The following ABI3BP variants were observed in gnomAD, a reference collection of about 807,000 sequenced individuals.
The protein encoded by ABI3BP is ABI family member 3 binding protein, also known as target of Nesh-SH3.
In ABI3BP, 216 loss-of-function variants were observed where a neutral mutation model predicts 268.6. That is an observed-to-expected ratio of 0.80 (90% CI 0.72 to 0.90). The LOEUF is 0.90. ABI3BP is among the 40% of genes least tolerant of loss of function. The pLI is 0.00. For missense variants in ABI3BP, 2,090 were observed against 2,182.4 expected (o/e 0.96, Z 0.84); for synonymous variants, 730 against 730.0 (o/e 1.00, Z 0.00).
intron 1 of ABI3BP, among the ~76,000 whole-genome samples, chr3:100,970,120 G>A (rs2082931310): frequency 6.6e-6 from 1 of 152,024 alleles, no homozygotes; most frequent in Non-Finnish European, 1.5e-5. Flanking sequence ...GGCCTGTTTG[G>A]GTCTCTGTTA....
intron 2 of ABI3BP, among the ~76,000 whole-genome samples, chr3:100,918,000 C>A (rs1341578534): frequency 6.6e-6 from 1 of 151,860 alleles, no homozygotes; most frequent in African/African-American, 2.4e-5. Flanking sequence ...TTAAAAATCC[C>A]CTTTGAAGCT....
chr3:100,779,510 TTA>T (rs1476433532), intron 58 of ABI3BP, among the ~76,000 whole-genome samples: 2 of 152,164 alleles, frequency 1.3e-5, no homozygotes, highest in African/African-American at 2.4e-5. Flanking sequence ...GTTAAACAAT[TTA>T]TATCTTTTTT....
chr3:100,841,219 T>TTTTTTTTTG (rs2098695397), intron 21 of ABI3BP, among the ~76,000 whole-genome samples: 1 of 142,450 alleles, frequency 7.0e-6, no homozygotes, highest in Non-Finnish European at 1.5e-5. Flanking sequence ...TTTTTTTTTT[T>TTTTTTTTTG]TTTTTTTTGC....
chr3:100,945,818 T>C (rs73143072), intron 1 of ABI3BP: 34,702 of 244,146 alleles, frequency 0.14, 2,782 homozygotes, highest in Middle Eastern at 0.2. Flanking sequence ...CATATATTTT[T>C]AGTTTTGGGA....
chr3:100,840,465 A>C (rs2098676858), intron 22 of ABI3BP, among the ~76,000 whole-genome samples: 1 of 152,204 alleles, frequency 6.6e-6, no homozygotes, highest in African/African-American at 2.4e-5. Context: ...GCATATGTTC[A>C]ACAGGAACAT....
chr3:100,840,045 T>A, intron 23 of ABI3BP, 27 bp downstream of exon 23: 1 of 1,517,328 alleles, frequency 6.6e-7, no homozygotes, highest in Non-Finnish European at 8.8e-7. Flanking sequence ...CTTTCTATGT[T>A]AATTGGAACC....
At chr3:100,959,989 A>G (rs1015995296) in intron 1 of ABI3BP, among the ~76,000 whole-genome samples, 2 of 152,242 alleles carry the variant, frequency 1.3e-5, no homozygotes, top group Non-Finnish European at 2.9e-5. Context: ...AACCAAAAGA[A>G]AAAAATTATA....
In ABI3BP at chr3:100,854,789, C is replaced by T. The variant is rs115562310; in HGVS notation, c.1286-2849G>A. ...TCAATTTACAGGTTATAAAAGTCAACATTAGATTATTTCAAAAAATAGTAA... is the reference window on the plus strand; with the variant it reads ...TCAATTTACAGGTTATAAAAGTCAATATTAGATTATTTCAAAAAATAGTAA... On this transcript the variant is annotated intron_variant, in intron 14 of 67. Coordinates refer to ENST00000471714, the MANE Select transcript of ABI3BP (RefSeq NM_001375547.2). Among the ~76,000 whole-genome samples the T allele has an allele frequency of 5.5e-3, 830 of 152,228 alleles. 10 individuals are homozygous for T. The highest frequency in any genetic ancestry group is 0.019 in the African/African-American group (807 of 41,534).
At chr3:100,984,145 TAAA>T (rs35472825) in intron 1 of ABI3BP, among the ~76,000 whole-genome samples, 1 of 148,812 alleles carries the variant, frequency 6.7e-6, no homozygotes. Context: ...CCTGAGGAGT[TAAA>T]AAAAAAAAAA....
chr3:100,786,718 G>A (rs191798834), intron 57 of ABI3BP, among the ~76,000 whole-genome samples: 1 of 152,248 alleles, frequency 6.6e-6, no homozygotes, highest in Admixed American at 6.5e-5. Context: ...CTGAAAAATT[G>A]TGCACCATCT....
chr3:100,925,058 C>A (rs977708250), intron 2 of ABI3BP, among the ~76,000 whole-genome samples: 3 of 152,092 alleles, frequency 2.0e-5, no homozygotes, highest in Non-Finnish European at 4.4e-5. Flanking sequence ...GAAATGCTTA[C>A]CTCTCAGTTT....
chr3:100,965,839 C>G (rs905785031), intron 1 of ABI3BP, among the ~76,000 whole-genome samples: 3 of 152,148 alleles, frequency 2.0e-5, no homozygotes, highest in Admixed American at 2.0e-4. Flanking sequence ...TCCTTGTCCT[C>G]AGCCTGCTCA....
intron 39 of ABI3BP, 140 bp downstream of exon 39, chr3:100,820,914 T>G: frequency 1.3e-6 from 1 of 769,184 alleles, no homozygotes; most frequent in Non-Finnish European, 2.1e-6. Flanking sequence ...TTCAATACTT[T>G]TAGGATGAAG....
chr3:100,797,207 T>C (rs1410388712), intron 51 of ABI3BP, among the ~76,000 whole-genome samples: 5 of 151,956 alleles, frequency 3.3e-5, no homozygotes, highest in Non-Finnish European at 5.9e-5. Context: ...GTGCCTGAAA[T>C]CCAGTATATT....
intron 44 of ABI3BP, among the ~76,000 whole-genome samples, chr3:100,814,217 GA>G (rs1347082829): frequency 6.6e-6 from 1 of 151,984 alleles, no homozygotes; most frequent in Non-Finnish European, 1.5e-5. Context: ...ATGTCCTTCT[GA>G]AAAAGCAGGA....
At position 100,851,985 on chromosome 3, in the gene ABI3BP, G is replaced by A. The variant is rs199864069; in HGVS notation, c.1286-45C>T. ...CAAAACAAGAGAGATGTTAATTTTG[G>A]TTAAATTTGATTAATTTAGAAAGAT... On this transcript the variant is annotated intron_variant, in intron 14 of 67. Coordinates refer to ENST00000471714, the MANE Select transcript of ABI3BP (RefSeq NM_001375547.2). 814 of 1,466,310 alleles carry A rather than the reference G, an allele frequency of 5.6e-4. 2 individuals are homozygous for A. The highest frequency in any genetic ancestry group is 7.3e-4 in the Non-Finnish European group (801 of 1,092,950). 90.8% of individuals were successfully genotyped at this position (1,466,310 alleles called of 1,614,324 possible).
chr3:100,778,362 G>A lies in ABI3BP; in HGVS notation c.4255C>T (p.Pro1419Ser). Reference sequence around the variant, plus strand: ...GGGTGTGTAGGTCTGGGTGGCAAGGGTGGGCGGCGAGTCCCTGGGATTGTG... The same window carrying A: ...GGGTGTGTAGGTCTGGGTGGCAAGGATGGGCGGCGAGTCCCTGGGATTGTG... The part of the protein sequence containing the change: ...PTKKPGTRRP[P>S]LPPRPTHPRR... The change falls in exon 59 of 68, where the codon CCC (proline) becomes TCC (serine). Residue 1419 changes from proline (P) to serine (S), a missense_variant. Coordinates refer to ENST00000471714, the MANE Select transcript of ABI3BP (RefSeq NM_001375547.2). 1 of 1,612,124 alleles carries A rather than the reference G, an allele frequency of 6.2e-7. No homozygotes were observed. The highest frequency in any genetic ancestry group is 8.5e-7 in the Non-Finnish European group (1 of 1,179,148).
intron 1 of ABI3BP, among the ~76,000 whole-genome samples, chr3:100,927,533 C>T (rs2062174658): frequency 6.6e-6 from 1 of 152,282 alleles, no homozygotes; most frequent in African/African-American, 2.4e-5. Context: ...GTTCCTAAGG[C>T]TGTACAGGAA....
At chr3:100,850,487 A>G (rs2098824974) in intron 16 of ABI3BP, among the ~76,000 whole-genome samples, 173 bp downstream of exon 16, 2 of 152,200 alleles carry the variant, frequency 1.3e-5, no homozygotes. Flanking sequence ...ATAGAGCCCT[A>G]AATGGAACGT....
Sources: allele counts gnomAD v4.1 joint callset (sites outside exome capture counted in the v4.1 genomes callset), GRCh38; gene constraint gnomAD v4.1.1; transcripts MANE v1.5; gene names NCBI Gene and HGNC (gene_info 2026-07-23, HGNC 2026-07-21).